Variants in PPP2R1B observed in about 807,000 individuals in gnomAD.
PPP2R1B encodes the protein serine/threonine-protein phosphatase 2A 65 kDa regulatory subunit A beta isoform.
Under a neutral mutation model 72.7 loss-of-function variants are expected in PPP2R1B, and 58 were observed. That is an observed-to-expected ratio of 0.80 (90% CI 0.65 to 0.99). PPP2R1B has a LOEUF of 0.99. Ranked by LOEUF, PPP2R1B falls within the 50% of genes least tolerant of loss-of-function variation. The pLI, the probability that PPP2R1B is intolerant of heterozygous loss-of-function variation, is 0.00. For synonymous variants in PPP2R1B, 256 were observed against 264.6 expected, an observed-to-expected ratio of 0.97 and a Z score of 0.32; for missense variants, 695 against 733.6, an observed-to-expected ratio of 0.95 and a Z score of 0.61.
rs527900688 is a variant in PPP2R1B at position 111,741,255 on chromosome 11, C to T, written c.*341G>A. On this transcript the variant is annotated 3_prime_UTR_variant, in exon 15 of 15. Transcript: ENST00000527614. ...TCCACTCCACGTCTGGGTCCACACC[C>T]TTCCAGGCTTTGTCTGGAACATTAT... is the stretch of plus-strand genomic sequence containing the variant. 1.9e-5 allele frequency: 21 copies of T among 1,117,940 alleles called. No individual in the cohort carries two copies. The South Asian group carries it at 5.8e-4, about 31-fold the overall frequency. The allele number at this position is 1,117,940 out of a possible 1,614,324, so 69.3% of individuals were successfully genotyped here. A position where few individuals can be genotyped will look rare whatever the true frequency, so the allele number is the denominator to read the frequency against.
chr11:111,727,182 G>A, intron 15 of PPP2R1B: 1 of 770,410 alleles, frequency 1.3e-6, no homozygotes, highest in South Asian at 1.6e-5. Context: ...GTCACCGTGG[G>A]AAAAGGAGGC....
the PPP2R1B span, among the ~76,000 whole-genome samples, chr11:111,694,456 G>A: frequency 6.6e-6 from 1 of 152,022 alleles, no homozygotes; most frequent in African/African-American, 2.4e-5. Context: ...CTGATTTGAG[G>A]CAGTGGCCCA....
intron 12 of PPP2R1B, 118 bp downstream of exon 12, chr11:111,743,258 T>C: frequency 9.5e-7 from 1 of 1,047,314 alleles, no homozygotes; most frequent in South Asian, 1.7e-5. Flanking sequence ...TCTATTCCAA[T>C]TAATCAATAC....
chr11:111,717,597 T>C, the PPP2R1B span, among the ~76,000 whole-genome samples: 31 of 152,144 alleles, frequency 2.0e-4, no homozygotes, highest in Non-Finnish European at 3.7e-4. Context: ...ACTGGGTATA[T>C]ACCCAAAGGA....
At chr11:111,712,102 TATTC>T in the PPP2R1B span, 4 of 1,146,918 alleles carry the variant, frequency 3.5e-6, no homozygotes, top group Non-Finnish European at 5.0e-6. Context: ...AATAAATAAA[TATTC>T]ATTCTTTAAT....
At position 111,739,665 on chromosome 11, in the gene PPP2R1B, A is replaced by G; in HGVS notation, c.*1931T>C. 1 of 985,456 alleles carries G rather than the reference A, an allele frequency of 1.0e-6. No individual in the cohort carries two copies. The highest frequency in any genetic ancestry group is 1.2e-6 in the Non-Finnish European group (1 of 829,922). The allele number at this position is 985,456 out of a possible 1,614,324, so 61.0% of individuals were successfully genotyped here. On this transcript the variant is annotated 3_prime_UTR_variant, in exon 15 of 15. Coordinates refer to ENST00000527614, the MANE Select transcript of PPP2R1B (RefSeq NM_002716.5). ...AACAATGGCATTTCCAACCAGAGTA[A>G]AGCAATGGTTCCAGTGCAAATCTGC...
At chr11:111,732,559 C>T (rs933680089) in intron 15 of PPP2R1B, among the ~76,000 whole-genome samples, 5 of 152,260 alleles carry the variant, frequency 3.3e-5, no homozygotes, top group South Asian at 2.1e-4. Context: ...GGTGTGGTGG[C>T]GGGCGCCTGT....
downstream of PPP2R1B, chr11:111,723,499 C>G: frequency 6.3e-7 from 1 of 1,595,124 alleles, no homozygotes; most frequent in Non-Finnish European, 8.6e-7. Context: ...AATTTAGGCT[C>G]CAGCAGAAGC....
intron 14 of PPP2R1B, 47 bp from the exon 15 acceptor site, chr11:111,741,659 G>A (rs1327472133): frequency 6.3e-6 from 10 of 1,583,288 alleles, no homozygotes; most frequent in Admixed American, 1.7e-5. Flanking sequence ...GAAAGTTCAC[G>A]AACGATCTAT....
At chr11:111,711,244 A>G in the PPP2R1B span, among the ~76,000 whole-genome samples, 1 of 151,046 alleles carries the variant, frequency 6.6e-6, no homozygotes, top group Admixed American at 6.6e-5. Context: ...TCAGCCTCCC[A>G]AGTAGCTGGG....
chr11:111,709,719 C>T, the PPP2R1B span, among the ~76,000 whole-genome samples: 3 of 152,112 alleles, frequency 2.0e-5, no homozygotes, highest in East Asian at 5.8e-4. Flanking sequence ...TCCTTTGGTC[C>T]CCTCAGTGAT....
chr11:111,692,927 T>C, the PPP2R1B span, among the ~76,000 whole-genome samples: 1 of 152,156 alleles, frequency 6.6e-6, no homozygotes, highest in African/African-American at 2.4e-5. Context: ...ATTAAAATAT[T>C]TTTGTGTTTA....
At chr11:111,724,356 G>A (rs2135982229), downstream of PPP2R1B, 1 of 592,950 alleles carries the variant, frequency 1.7e-6, no homozygotes, top group East Asian at 3.0e-5. Flanking sequence ...GTTGTAGGCT[G>A]AGGCTCCTGC....
the PPP2R1B span, among the ~76,000 whole-genome samples, chr11:111,696,632 G>A: frequency 6.6e-6 from 1 of 152,204 alleles, no homozygotes; most frequent in African/African-American, 2.4e-5. Context: ...CTGGATCTGA[G>A]TCTGGTAGAG....
rs185613790 is a variant in PPP2R1B at position 111,765,392 on chromosome 11, A to G, written c.115-8T>C. The stretch of plus-strand genomic sequence containing the variant: ...AATACTGTTGAGTCGGAGCTTCAGA[A>G]AAGAAAGTAGAAAGAAGAACAATGT... On this transcript the variant is annotated splice_region_variant and splice_polypyrimidine_tract_variant and intron_variant, in intron 1 of 14. Transcript: ENST00000527614. The G allele has an allele frequency of 3.7e-4, 592 of 1,599,486 alleles. 1 individual carries two copies. Among genetic ancestry groups the G allele is most frequent in the Non-Finnish European group, 4.8e-4 (565 of 1,169,820 alleles).
At chr11:111,734,679 C>G (rs904751080), downstream of PPP2R1B, among the ~76,000 whole-genome samples, 2 of 152,254 alleles carry the variant, frequency 1.3e-5, no homozygotes, top group African/African-American at 4.8e-5. Context: ...TCTTTGTCAT[C>G]AGTCCTCAGT....
the PPP2R1B span, among the ~76,000 whole-genome samples, chr11:111,716,082 A>C: frequency 6.6e-6 from 1 of 152,116 alleles, no homozygotes; most frequent in Non-Finnish European, 1.5e-5. Context: ...GATTACAGGC[A>C]TGAGCCACCA....
chr11:111,750,320 T>C (rs1011404062), intron 10 of PPP2R1B, among the ~76,000 whole-genome samples: 2 of 152,162 alleles, frequency 1.3e-5, no homozygotes, highest in African/African-American at 4.8e-5. Context: ...ATGTCAATAG[T>C]AAACTGACAC....
At chr11:111,746,313 T>C (rs1206087601) in intron 11 of PPP2R1B, among the ~76,000 whole-genome samples, 1 of 152,204 alleles carries the variant, frequency 6.6e-6, no homozygotes, top group African/African-American at 2.4e-5. Context: ...AATGAGTTCA[T>C]GTCCTTTGCA....
Sources: gnomAD v4.1 joint callset for allele counts (sites outside exome capture counted in the v4.1 genomes callset) on GRCh38, gnomAD v4.1.1 for gene constraint, MANE v1.5 for transcripts, NCBI Gene and HGNC (gene_info 2026-07-23, HGNC 2026-07-21) for gene names.